TTC13: variants seen among roughly 807,000 people sequenced by gnomAD.
TTC13 encodes tetratricopeptide repeat protein 13.
Under a neutral mutation model 120.0 loss-of-function variants are expected in TTC13, and 62 were observed. The ratio of observed to expected loss-of-function variants is 0.52; its 90% CI spans 0.42 to 0.64. The LOEUF (loss-of-function observed/expected upper bound fraction) is 0.64, where lower values mean the gene tolerates loss of function less well. Ranked by LOEUF, TTC13 falls within the 30% of genes least tolerant of loss-of-function variation. TTC13 has a pLI of 0.00. For missense variants in TTC13, 824 were observed against 1,050.2 expected (o/e 0.78, Z 2.98); for synonymous variants, 384 against 393.5 (o/e 0.98, Z 0.28).
At chr1:230,909,085 A>C (rs1458603797) in intron 20 of TTC13, 65 bp from the exon 21 acceptor site, 16 of 1,280,172 alleles carry the variant, frequency 1.2e-5, no homozygotes, top group Non-Finnish European at 1.7e-5. Context: ...GTTAAATTTC[A>C]CCATGGACTT....
chr1:230,945,981 T>C (rs1299849665), intron 4 of TTC13, among the ~76,000 whole-genome samples: 2 of 152,202 alleles, frequency 1.3e-5, no homozygotes, highest in African/African-American at 4.8e-5. Context: ...TTCATACTAA[T>C]GGGTTGAAAT....
chr1:230,920,831 G>C (rs560972410), intron 16 of TTC13, among the ~76,000 whole-genome samples: 1 of 152,274 alleles, frequency 6.6e-6, no homozygotes, highest in South Asian at 2.1e-4. Context: ...ACATCTAGAA[G>C]GCAAAACAGG....
In TTC13 at chr1:230,943,853, T is replaced by C; in HGVS notation, c.625A>G (p.Ile209Val). Reference protein sequence around the residue: ...ELALFELSRVITLEPDRPEVF... With the variant: ...ELALFELSRVVTLEPDRPEVF... ...TCTGGACGATCTGGTTCCAAGGTAA[T>C]TACTCGGCTCAGTTCGAACAGAGCA... The change falls in exon 6 of 23, where the codon ATT (isoleucine) becomes GTT (valine). Residue 209 changes from isoleucine to valine, a missense_variant. Physicochemically the swap from Ile to Val is conservative, Grantham distance 29. This residue lies in a region of TTC13 where 430 missense variants were observed against 626.8 expected (regional missense o/e 0.69). Coordinates refer to ENST00000366661, the MANE Select transcript of TTC13 (RefSeq NM_024525.5). 1.9e-6 allele frequency: 3 copies of C among 1,612,334 alleles called. No homozygotes were observed. The highest frequency in any genetic ancestry group is 2.5e-6 in the Non-Finnish European group (3 of 1,178,770).
At chr1:230,934,374 T>G (rs1673846944) in intron 8 of TTC13, among the ~76,000 whole-genome samples, 1 of 151,940 alleles carries the variant, frequency 6.6e-6, no homozygotes, top group East Asian at 1.9e-4. Context: ...ATTCCCATGA[T>G]CTACGAGGAA....
chr1:230,932,089 G>A (rs773292087), intron 9 of TTC13, among the ~76,000 whole-genome samples: 1 of 152,080 alleles, frequency 6.6e-6, no homozygotes, highest in Non-Finnish European at 1.5e-5. Flanking sequence ...TTGAAATTCT[G>A]TGGGGAAAAT....
intron 1 of TTC13, among the ~76,000 whole-genome samples, chr1:230,969,012 C>T (rs899433385): frequency 1.1e-4 from 16 of 152,190 alleles, no homozygotes; most frequent in Admixed American, 9.2e-4. Context: ...CGGTGGCTCA[C>T]GCCTGTAATC....
chr1:230,948,400 C>CAAA (rs57051929), intron 4 of TTC13, among the ~76,000 whole-genome samples: 4,988 of 96,494 alleles, frequency 0.052, 431 homozygotes, highest in African/African-American at 0.18. Context: ...ACTCACAATA[C>CAAA]AAAAAAAAAA....
Position 230,920,528 on chromosome 1 carries a change from GTCT to G in TTC13, c.1962_1964del (p.Glu654del). 6.2e-7 allele frequency: 1 copy of G among 1,611,858 alleles called. No individual in the cohort carries two copies. Among genetic ancestry groups the G allele is most frequent in the Non-Finnish European group, 8.5e-7 (1 of 1,179,082 alleles). ...AAGTTACCTTCATAATCGGAAGAAG[GTCT>G]TCTACTTTGTGTACCTTTTCCAGGG... On this transcript the variant is annotated inframe_deletion, in exon 17 of 23. Coordinates refer to ENST00000366661, the MANE Select transcript of TTC13 (RefSeq NM_024525.5).
chr1:230,929,227 T>C, intron 11 of TTC13, 134 bp from the exon 12 acceptor site: 1 of 912,210 alleles, frequency 1.1e-6, no homozygotes, highest in South Asian at 1.9e-5. Flanking sequence ...TAAATTTTAG[T>C]AAGTCACTAT....
At chr1:230,972,980 T>C (rs1485375730) in intron 1 of TTC13, among the ~76,000 whole-genome samples, 8 of 152,200 alleles carry the variant, frequency 5.3e-5, no homozygotes, top group Non-Finnish European at 1.2e-4. Context: ...TGCCTCAGTC[T>C]CTGAGCACAG....
intron 16 of TTC13, 87 bp from the exon 17 acceptor site, chr1:230,920,681 T>C (rs1672502737): frequency 1.2e-6 from 1 of 826,342 alleles, no homozygotes; most frequent in African/African-American, 1.8e-5. Context: ...TTTAAATAAA[T>C]TGACCTCAAT....
At chr1:230,965,719 T>C (rs913818404) in intron 1 of TTC13, among the ~76,000 whole-genome samples, 1 of 152,230 alleles carries the variant, frequency 6.6e-6, no homozygotes, top group African/African-American at 2.4e-5. Flanking sequence ...ACACCCAGAC[T>C]AGAGTGCAGT....
At chr1:230,936,077 G>A (rs1019754096) in intron 8 of TTC13, 15 of 420,008 alleles carry the variant, frequency 3.6e-5, no homozygotes, top group African/African-American at 2.4e-4. Context: ...AGGGAATAAC[G>A]AGCCCATCGG....
chr1:230,955,670 C>CAAAAA lies in TTC13; in HGVS notation c.443-1272_443-1268dup, dbSNP rs34027679. On this transcript the variant is annotated intron_variant, in intron 3 of 22. Coordinates refer to ENST00000366661, the MANE Select transcript of TTC13 (RefSeq NM_024525.5). ...TGGGCGACAGAGAGAGACTCCATCT[C>CAAAAA]AAAAAAAAAAAAAAAGGAGTAAAAA... is the stretch of plus-strand genomic sequence containing the variant. 2.0e-3 allele frequency among the ~76,000 whole-genome samples: 215 copies of CAAAAA among 105,980 alleles called. 4 individuals carry two copies. The highest frequency in any genetic ancestry group is 7.3e-3 in the African/African-American group (194 of 26,464). 69.5% of individuals were successfully genotyped at this position (105,980 alleles called of 152,430 possible).
intron 5 of TTC13, 74 bp downstream of exon 5, chr1:230,945,315 A>G: frequency 7.9e-7 from 1 of 1,271,744 alleles, no homozygotes; most frequent in East Asian, 2.3e-5. Context: ...AATGAACAGT[A>G]GCAGTTCTAG....
intron 4 of TTC13, 100 bp from the exon 5 acceptor site, chr1:230,945,554 T>G: frequency 9.5e-7 from 1 of 1,049,610 alleles, no homozygotes; most frequent in Non-Finnish European, 1.5e-6. Flanking sequence ...GTGACAGCTC[T>G]ACTTCTTTAT....
chr1:230,949,942 C>T (rs1205684406), intron 4 of TTC13, among the ~76,000 whole-genome samples: 1 of 152,216 alleles, frequency 6.6e-6, no homozygotes, highest in Non-Finnish European at 1.5e-5. Context: ...AGCCACCACG[C>T]CCGGCCCAAT....
intron 15 of TTC13, among the ~76,000 whole-genome samples, chr1:230,922,977 C>T (rs1672724195): frequency 6.6e-6 from 1 of 151,980 alleles, no homozygotes; most frequent in African/African-American, 2.4e-5. Context: ...TAGGAATATA[C>T]AAGTCACAAG....
chr1:230,936,672 C>T (rs73107849), intron 8 of TTC13: 1,473 of 121,260 alleles, frequency 0.012, 31 homozygotes, highest in African/African-American at 0.042. Flanking sequence ...ATACTTCTAA[C>T]GTATTACATC....
Sources: allele counts gnomAD v4.1 joint callset (sites outside exome capture counted in the v4.1 genomes callset), GRCh38; gene constraint gnomAD v4.1.1; regional missense constraint gnomAD v4.1.1; transcripts MANE v1.5; gene names NCBI Gene and HGNC (gene_info 2026-07-23, HGNC 2026-07-21).